The following CSMD1 variants were observed in gnomAD, a reference collection of about 807,000 sequenced individuals.
CSMD1 encodes the protein CUB and Sushi multiple domains 1.
CSMD1 carries 213 observed loss-of-function variants against 417.5 expected under a neutral mutation model. The observed-to-expected ratio is 0.51, with a 90% CI of 0.46 to 0.57. CSMD1 has a LOEUF of 0.57. Ranked by LOEUF, CSMD1 falls within the 20% of genes least tolerant of loss-of-function variation. The pLI is 0.00. For missense variants in CSMD1, 6,923 were observed against 4,529.7 expected, an observed-to-expected ratio of 1.53 and a Z score of -15.17; for synonymous variants, 2,862 against 1,736.8, an observed-to-expected ratio of 1.65 and a Z score of -16.11.
intron 3 of CSMD1, among the ~76,000 whole-genome samples, chr8:4,137,214 C>T (rs1211013937): frequency 6.6e-6 from 1 of 152,152 alleles, no homozygotes; most frequent in Non-Finnish European, 1.5e-5. Flanking sequence ...GAAACAGTTG[C>T]CTTTAATTAA....
chr8:3,281,704 G>A (rs1029616584), intron 26 of CSMD1, among the ~76,000 whole-genome samples: 10 of 152,114 alleles, frequency 6.6e-5, no homozygotes, highest in African/African-American at 2.4e-4. Context: ...CAGAACACAG[G>A]GAATTGTTAG....
chr8:3,941,831 A>G (rs568597650), intron 5 of CSMD1, among the ~76,000 whole-genome samples: 1 of 152,278 alleles, frequency 6.6e-6, no homozygotes, highest in East Asian at 1.9e-4. Flanking sequence ...AATATAGCGC[A>G]ATTCCTTAAA....
chr8:3,748,299 T>A (rs1314850315), intron 6 of CSMD1, among the ~76,000 whole-genome samples: 1 of 152,210 alleles, frequency 6.6e-6, no homozygotes, highest in East Asian at 1.9e-4. Context: ...TTAAAGGTTA[T>A]AATATATTTC....
intron 1 of CSMD1, chr8:4,787,557 G>C (rs1302372714): frequency 7.6e-6 from 11 of 1,445,470 alleles, no homozygotes; most frequent in South Asian, 1.2e-5. Context: ...AGAAAATGTG[G>C]GGAGACAGCT....
chr8:4,173,153 T>C (rs1797859717), intron 3 of CSMD1, among the ~76,000 whole-genome samples: 1 of 152,168 alleles, frequency 6.6e-6, no homozygotes, highest in Non-Finnish European at 1.5e-5. Flanking sequence ...GTTGCTAGAT[T>C]GATTATAATA....
rs192351047 is a variant in CSMD1 at position 3,047,137 on chromosome 8, G to C, written c.7660+5325C>G. Among the ~76,000 whole-genome samples, 254 of 150,280 alleles carry C rather than the reference G, an allele frequency of 1.7e-3. 1 individual carries two copies. The highest frequency in any genetic ancestry group is 5.6e-3 in the African/African-American group (229 of 40,796). On this transcript the variant is annotated intron_variant, in intron 50 of 69. Coordinates refer to ENST00000635120, the MANE Select transcript of CSMD1 (RefSeq NM_033225.6). ...GCAGGAGAATCACTTGAACCCAGGA[G>C]GGGGAGGTTGCAGTGGACCAAGATC...
chr8:4,269,712 C>G (rs1804452381), intron 3 of CSMD1, among the ~76,000 whole-genome samples: 4 of 152,134 alleles, frequency 2.6e-5, no homozygotes, highest in Admixed American at 6.5e-5. Context: ...TAACCAGCAT[C>G]TGTTGAATTC....
At chr8:3,305,891 A>G (rs1804798635) in intron 25 of CSMD1, among the ~76,000 whole-genome samples, 1 of 152,138 alleles carries the variant, frequency 6.6e-6, no homozygotes, top group African/African-American at 2.4e-5. Context: ...CATGTTAGCC[A>G]GGATGATCTT....
intron 2 of CSMD1, among the ~76,000 whole-genome samples, chr8:4,622,969 T>C (rs1363455652): frequency 3.3e-5 from 5 of 152,158 alleles, no homozygotes; most frequent in African/African-American, 9.7e-5. Flanking sequence ...TTTTTATATG[T>C]CACATGAAAT....
At chr8:3,813,960 C>A (rs1299341415) in intron 5 of CSMD1, among the ~76,000 whole-genome samples, 2 of 152,154 alleles carry the variant, frequency 1.3e-5, no homozygotes, top group African/African-American at 4.8e-5. Flanking sequence ...ATGTAAGACC[C>A]TGAAATATGT....
intron 5 of CSMD1, 79 bp from the exon 6 acceptor site, chr8:3,754,121 C>A: frequency 1.2e-6 from 1 of 832,756 alleles, no homozygotes; most frequent in Non-Finnish European, 2.0e-6. Context: ...GCTTTGAAAT[C>A]CGATTACTTA....
At chr8:3,086,677 T>C (rs1312046482) in intron 49 of CSMD1, among the ~76,000 whole-genome samples, 1 of 152,198 alleles carries the variant, frequency 6.6e-6, no homozygotes, top group Non-Finnish European at 1.5e-5. Context: ...GCTCTAGATT[T>C]AAATAACAAA....
intron 23 of CSMD1, among the ~76,000 whole-genome samples, chr8:3,314,913 G>GT (rs1201021235): frequency 6.6e-6 from 1 of 152,218 alleles, no homozygotes; most frequent in Admixed American, 6.5e-5. Context: ...AGTAATGTGA[G>GT]TTTTTTCAGC....
At chr8:4,842,304 A>T (rs548065414) in intron 1 of CSMD1, among the ~76,000 whole-genome samples, 3 of 152,228 alleles carry the variant, frequency 2.0e-5, no homozygotes, top group Admixed American at 2.0e-4. Context: ...CTTCCATTGG[A>T]AAAATTATTT....
chr8:4,057,525 C>A (rs1204181678), intron 3 of CSMD1, among the ~76,000 whole-genome samples: 5 of 152,086 alleles, frequency 3.3e-5, no homozygotes, highest in Admixed American at 1.3e-4. Flanking sequence ...TGTGCAGAAG[C>A]TCTTTAGTTT....
chr8:3,770,876 T>C (rs1798531211), intron 5 of CSMD1, among the ~76,000 whole-genome samples: 1 of 152,214 alleles, frequency 6.6e-6, no homozygotes, highest in Non-Finnish European at 1.5e-5. Context: ...CTCATATTTT[T>C]TAGTCTCATA....
chr8:4,308,302 A>G (rs1460722839), intron 3 of CSMD1, among the ~76,000 whole-genome samples: 3 of 151,506 alleles, frequency 2.0e-5, no homozygotes, highest in Admixed American at 6.6e-5. Context: ...TGAAGTTTGA[A>G]GTGTATGTGT....
intron 2 of CSMD1, among the ~76,000 whole-genome samples, chr8:4,512,830 A>C (rs1174930125): frequency 6.6e-6 from 1 of 151,988 alleles, no homozygotes; most frequent in Admixed American, 6.6e-5. Context: ...AAAAAAAAAA[A>C]ACCTCAGTAC....
chr8:4,721,962 C>G (rs532834512), intron 1 of CSMD1, among the ~76,000 whole-genome samples: 11 of 152,208 alleles, frequency 7.2e-5, no homozygotes, highest in Non-Finnish European at 1.5e-4. Flanking sequence ...TATAATCTTA[C>G]AAAAACGGAA....
Sources: gnomAD v4.1 joint callset for allele counts (sites outside exome capture counted in the v4.1 genomes callset) on GRCh38, gnomAD v4.1.1 for gene constraint, MANE v1.5 for transcripts, NCBI Gene and HGNC (gene_info 2026-07-23, HGNC 2026-07-21) for gene names.